The following MBNL1 variants were observed in gnomAD, a reference collection of about 807,000 sequenced individuals.
MBNL1 encodes the protein muscleblind-like protein 1.
Under a neutral mutation model 42.2 loss-of-function variants are expected in MBNL1, and 8 were observed. The observed-to-expected ratio is 0.19, with a 90% CI of 0.11 to 0.34. The LOEUF is 0.34. MBNL1 is among the 10% of genes least tolerant of loss of function. The probability of loss-of-function intolerance (pLI) is 1.00; values close to 1 mark genes in which losing one functional copy is unlikely to be tolerated. For synonymous variants in MBNL1, 169 were observed against 173.9 expected (o/e 0.97, Z 0.22); for missense variants, 309 against 495.3 (o/e 0.62, Z 3.57).
chr3:152,385,055 A>T (rs1321792809), intron 2 of MBNL1, among the ~76,000 whole-genome samples: 1 of 152,104 alleles, frequency 6.6e-6, no homozygotes, highest in African/African-American at 2.4e-5. Flanking sequence ...ATACATCCCT[A>T]GTAGAAATCT....
At chr3:152,356,840 C>T (rs1203610076) in intron 2 of MBNL1, among the ~76,000 whole-genome samples, 1 of 124,302 alleles carries the variant, frequency 8.0e-6, no homozygotes, top group African/African-American at 3.1e-5. Context: ...CAGAGGGGAT[C>T]TGGGCATATG....
chr3:152,418,504 C>T (rs772183283), intron 3 of MBNL1, among the ~76,000 whole-genome samples: 9 of 151,292 alleles, frequency 5.9e-5, no homozygotes, highest in Non-Finnish European at 8.8e-5. Context: ...AAGACACCAA[C>T]TTAGGAAGCT....
rs568193020 is a variant in MBNL1 at position 152,278,866 on chromosome 3, AGT to A, written c.-790+9777_-790+9778del. ...AGGGAGATCGAAAGTATAATTACAT[AGT>A]GTCTTTCCTTCTTTGACATACAATT... is the stretch of plus-strand genomic sequence containing the variant. On this transcript the variant is annotated intron_variant, in intron 1 of 9. Coordinates refer to ENST00000324210, the MANE Select transcript of MBNL1 (RefSeq NM_021038.5). 4.0e-3 allele frequency among the ~76,000 whole-genome samples: 612 copies of A among 152,274 alleles called. 4 individuals carry two copies. Among genetic ancestry groups the A allele is most frequent in the African/African-American group, 0.014 (568 of 41,556 alleles).
At chr3:152,439,260 C>CA (rs2099116842) in intron 4 of MBNL1, among the ~76,000 whole-genome samples, 1 of 151,946 alleles carries the variant, frequency 6.6e-6, no homozygotes. Context: ...CCATTGACTA[C>CA]AAAAAATAGA....
chr3:152,383,558 G>T (rs942194109), intron 2 of MBNL1, among the ~76,000 whole-genome samples: 1 of 152,034 alleles, frequency 6.6e-6, no homozygotes, highest in Non-Finnish European at 1.5e-5. Flanking sequence ...TGGTGTAAAG[G>T]AGTCATTGTA....
intron 2 of MBNL1, among the ~76,000 whole-genome samples, chr3:152,337,625 C>CAA (rs1255178970): frequency 1.3e-4 from 10 of 75,756 alleles, no homozygotes; most frequent in African/African-American, 3.4e-4. Context: ...GATTCCATCT[C>CAA]AAAAAAAAAA....
intron 2 of MBNL1, among the ~76,000 whole-genome samples, chr3:152,389,115 T>C (rs1351973868): frequency 1.3e-5 from 2 of 151,828 alleles, no homozygotes; most frequent in African/African-American, 2.4e-5. Flanking sequence ...TGAGATGGAG[T>C]TTCACTCTTG....
chr3:152,421,323 T>C (rs2098801142), intron 3 of MBNL1, among the ~76,000 whole-genome samples: 1 of 152,060 alleles, frequency 6.6e-6, no homozygotes, highest in South Asian at 2.1e-4. Context: ...AACCAGTCAC[T>C]CCCCTGGAAA....
intron 8 of MBNL1, chr3:152,457,726 A>G (rs1736526093): frequency 5.8e-6 from 1 of 173,556 alleles, no homozygotes; most frequent in Non-Finnish European, 1.3e-5. Flanking sequence ...ATTCAATACA[A>G]TCCATCTATG....
At chr3:152,383,532 A>G (rs950670543) in intron 2 of MBNL1, among the ~76,000 whole-genome samples, 14 of 152,072 alleles carry the variant, frequency 9.2e-5, no homozygotes, top group African/African-American at 3.1e-4. Flanking sequence ...AATACATTAT[A>G]TTAGACTAGA....
chr3:152,281,397 C>T (rs988009664), intron 1 of MBNL1, among the ~76,000 whole-genome samples: 1 of 151,944 alleles, frequency 6.6e-6, no homozygotes, highest in Non-Finnish European at 1.5e-5. Flanking sequence ...TGGAAAGACT[C>T]AGTGAAGAAG....
intron 2 of MBNL1, among the ~76,000 whole-genome samples, chr3:152,354,836 A>T (rs982106287): frequency 2.0e-5 from 3 of 152,186 alleles, no homozygotes; most frequent in Non-Finnish European, 2.9e-5. Flanking sequence ...TGTTTAAATG[A>T]TTCCCCCTTA....
intron 3 of MBNL1, among the ~76,000 whole-genome samples, chr3:152,427,592 T>C (rs1463419164): frequency 6.6e-6 from 1 of 152,144 alleles, no homozygotes; most frequent in East Asian, 1.9e-4. Flanking sequence ...AATATGAATT[T>C]GTTGATAACT....
intron 2 of MBNL1, among the ~76,000 whole-genome samples, chr3:152,349,256 A>G (rs1326010171): frequency 6.6e-6 from 1 of 152,024 alleles, no homozygotes; most frequent in Non-Finnish European, 1.5e-5. Flanking sequence ...ATTTGTATCT[A>G]TTGCCTTTAT....
intron 3 of MBNL1, among the ~76,000 whole-genome samples, chr3:152,416,635 C>T (rs1288499898): frequency 1.3e-5 from 2 of 152,198 alleles, no homozygotes; most frequent in African/African-American, 4.8e-5. Flanking sequence ...AGGCTGTACC[C>T]TCTCTGTGAC....
At chr3:152,459,881 TTTC>T (rs1287625737) in intron 9 of MBNL1, among the ~76,000 whole-genome samples, 12 of 148,842 alleles carry the variant, frequency 8.1e-5, no homozygotes, top group Admixed American at 1.3e-4. Flanking sequence ...TTTTTTTTTT[TTTC>T]ATTCTTTGGC....
At chr3:152,380,991 G>A (rs1007338216) in intron 2 of MBNL1, among the ~76,000 whole-genome samples, 1 of 152,038 alleles carries the variant, frequency 6.6e-6, no homozygotes, top group South Asian at 2.1e-4. Context: ...TAAAACAGAA[G>A]GAGGGGCAGC....
chr3:152,287,327 A>G lies in MBNL1; in HGVS notation c.-789-12078A>G, dbSNP rs77695495. Among the ~76,000 whole-genome samples the G allele has an allele frequency of 6.4e-3, 975 of 152,314 alleles. 9 individuals carry two copies. The highest frequency in any genetic ancestry group is 0.022 in the African/African-American group (932 of 41,562). The stretch of plus-strand genomic sequence containing the variant: ...TAACAGAGCTTTTTTGTAACATTTT[A>G]TAAGCATACTACCTTGCTGAAGTAG... On this transcript the variant is annotated intron_variant, in intron 1 of 9. Transcript: ENST00000324210.
intron 2 of MBNL1, among the ~76,000 whole-genome samples, chr3:152,330,890 G>T (rs926875289): frequency 6.6e-6 from 1 of 152,120 alleles, no homozygotes; most frequent in East Asian, 1.9e-4. Flanking sequence ...CATCCTCTGG[G>T]GGTCTTGGAA....
Sources: allele counts gnomAD v4.1 joint callset (sites outside exome capture counted in the v4.1 genomes callset), GRCh38; gene constraint gnomAD v4.1.1; transcripts MANE v1.5; gene names NCBI Gene and HGNC (gene_info 2026-07-23, HGNC 2026-07-21).